The following KLHL4 variants were observed in gnomAD, a reference collection of about 807,000 sequenced individuals.
KLHL4 encodes kelch-like protein 4.
Under a neutral mutation model 45.8 loss-of-function variants are expected in KLHL4, and 17 were observed. The observed-to-expected ratio is 0.37, with a 90% CI of 0.25 to 0.56. The LOEUF is 0.56. Among genes scored for constraint, KLHL4 ranks in the 20% least tolerant of loss-of-function variants. The pLI, the probability that KLHL4 is intolerant of heterozygous loss-of-function variation, is 0.79. For missense variants in KLHL4, 544 were observed against 544.9 expected, an observed-to-expected ratio of 1.00 and a Z score of 0.02; for synonymous variants, 224 against 189.9, an observed-to-expected ratio of 1.18 and a Z score of -1.47.
chrX:87,602,387 G>A (rs2147806561), intron 1 of KLHL4, among the ~76,000 whole-genome samples: 1 of 111,477 alleles, frequency 9.0e-6, no homozygotes, highest in African/African-American at 3.3e-5. Flanking sequence ...CACCCAGAGC[G>A]ACTTTTAATC....
At chrX:87,520,128 A>T (rs1265609205) in intron 1 of KLHL4, among the ~76,000 whole-genome samples, 1 of 112,250 alleles carries the variant, frequency 8.9e-6, no homozygotes. Flanking sequence ...GAGGGGCTAA[A>T]TTGAAGATCT....
At chrX:87,579,860 C>T (rs1261007865) in intron 1 of KLHL4, among the ~76,000 whole-genome samples, 1 of 111,915 alleles carries the variant, frequency 8.9e-6, no homozygotes, top group Non-Finnish European at 1.9e-5. Context: ...ATGTAGGATG[C>T]TGAACATTAT....
intron 1 of KLHL4, among the ~76,000 whole-genome samples, chrX:87,523,692 G>A (rs1411139351): frequency 8.9e-6 from 1 of 111,867 alleles, no homozygotes; most frequent in Non-Finnish European, 1.9e-5. Flanking sequence ...GCCGGCCGTG[G>A]TGGCGCATGC....
chrX:87,586,583 T>C (rs1410201754), intron 1 of KLHL4, among the ~76,000 whole-genome samples: 2 of 110,913 alleles, frequency 1.8e-5, no homozygotes, highest in Non-Finnish European at 3.8e-5. Flanking sequence ...AAACAAGTGG[T>C]AATGGAAACA....
intron 1 of KLHL4, among the ~76,000 whole-genome samples, chrX:87,550,641 C>T (rs1008349487): frequency 3.6e-5 from 4 of 110,141 alleles, no homozygotes; most frequent in African/African-American, 1.3e-4. Context: ...AACAAAATAT[C>T]GAAAAAAAAT....
intron 3 of KLHL4, among the ~76,000 whole-genome samples, 199 bp downstream of exon 3, chrX:87,614,769 T>C (rs1479287466): frequency 9.0e-6 from 1 of 110,799 alleles, no homozygotes; most frequent in Non-Finnish European, 1.9e-5. Context: ...AAAGGCATAG[T>C]TAGGATATAA....
rs2147813766 is a variant in KLHL4 at position 87,614,372 on chromosome X, T to G, written c.591-62T>G. The G allele has an allele frequency of 2.8e-6, 3 of 1,078,138 alleles. No homozygotes were observed. In the Admixed American group the frequency reaches 6.7e-5, roughly 24 times the overall value. The allele number at this position is 1,078,138 out of a possible 1,213,427, so 88.9% of individuals were successfully genotyped here. Reference sequence around the variant, plus strand: ...AGTGTTACAAACTTGCTGAATCCATTTCATGCTTTTCAGTGAAATTATTGA... The same window carrying G: ...AGTGTTACAAACTTGCTGAATCCATGTCATGCTTTTCAGTGAAATTATTGA... On this transcript the variant is annotated intron_variant, in intron 2 of 10. Transcript: ENST00000373119.
chrX:87,595,625 T>A (rs1307125434), intron 1 of KLHL4, among the ~76,000 whole-genome samples: 1 of 111,418 alleles, frequency 9.0e-6, no homozygotes, highest in Admixed American at 9.6e-5. Context: ...ACCAGATCAT[T>A]TCAGATATAT....
intron 1 of KLHL4, among the ~76,000 whole-genome samples, chrX:87,556,797 T>G (rs12391207): frequency 0.25 from 27,850 of 110,491 alleles, 2,978 homozygotes; most frequent in East Asian, 0.51. Context: ...CATGGCAGAG[T>G]AAGTTTTCTC....
chrX:87,639,805 GA>G (rs933809720), intron 9 of KLHL4, among the ~76,000 whole-genome samples: 3 of 108,032 alleles, frequency 2.8e-5, no homozygotes, highest in African/African-American at 1.0e-4. Context: ...AGGAACTAGA[GA>G]AAAAACAACA....
intron 1 of KLHL4, among the ~76,000 whole-genome samples, chrX:87,557,559 T>C (rs893391225): frequency 8.9e-6 from 1 of 112,016 alleles, no homozygotes. Flanking sequence ...AATCAATTAC[T>C]TGACATTAAC....
At chrX:87,529,024 G>T (rs1475856121) in intron 1 of KLHL4, among the ~76,000 whole-genome samples, 2 of 108,011 alleles carry the variant, frequency 1.9e-5, no homozygotes, top group Non-Finnish European at 3.8e-5. Context: ...AACTTTTCAC[G>T]TCAGGAGAAA....
intron 10 of KLHL4, among the ~76,000 whole-genome samples, chrX:87,665,164 T>C (rs188638333): frequency 2.7e-5 from 3 of 111,398 alleles, no homozygotes; most frequent in African/African-American, 6.5e-5. Context: ...ACCCATCTTA[T>C]ATAAAAGGGG....
chrX:87,663,107 C>T (rs1039696656), intron 9 of KLHL4, among the ~76,000 whole-genome samples: 1 of 107,824 alleles, frequency 9.3e-6, no homozygotes, highest in Non-Finnish European at 1.9e-5. Context: ...AAAACCATCA[C>T]ATTGGTTGGG....
rs898035241 is a variant in KLHL4, at chrX:87,667,779, A to G, written c.*1245A>G. 2.9e-6 allele frequency: 2 copies of G among 690,617 alleles called. No individual in the cohort carries two copies. Among genetic ancestry groups the G allele is most frequent in the Non-Finnish European group, 3.4e-6 (2 of 582,261 alleles). The allele number at this position is 690,617 out of a possible 1,213,427, so 56.9% of individuals were successfully genotyped here. A position where few individuals can be genotyped will look rare whatever the true frequency, so the allele number is the denominator to read the frequency against. ...GAATTTCTACAAATAAGTTCTTTTA[A>G]ACAGTCTTTTTATTGTGGATTGTGA... On this transcript the variant is annotated 3_prime_UTR_variant, in exon 11 of 11. Coordinates refer to ENST00000373119, the MANE Select transcript of KLHL4 (RefSeq NM_019117.5).
intron 1 of KLHL4, among the ~76,000 whole-genome samples, chrX:87,532,401 T>C (rs185149914): frequency 1.2e-4 from 13 of 110,472 alleles, no homozygotes; most frequent in Admixed American, 1.9e-4. Flanking sequence ...TGCTTAGGAG[T>C]GTCTTGGCCA....
intron 3 of KLHL4, among the ~76,000 whole-genome samples, chrX:87,614,783 CG>C (rs1569353862): frequency 1.8e-5 from 2 of 110,055 alleles, no homozygotes; most frequent in South Asian, 3.8e-4. Flanking sequence ...GATATAAACT[CG>C]ATAATATAAA....
chrX:87,523,977 A>G (rs1030614013), intron 1 of KLHL4, among the ~76,000 whole-genome samples: 1 of 111,235 alleles, frequency 9.0e-6, no homozygotes, highest in East Asian at 2.8e-4. Context: ...AAATAAATAA[A>G]TAAAAATAAA....
intron 1 of KLHL4, among the ~76,000 whole-genome samples, chrX:87,596,499 G>A (rs1177234570): frequency 8.9e-6 from 1 of 111,799 alleles, no homozygotes. Context: ...TTATATGGAT[G>A]AATGAATTTC....
Sources: gnomAD v4.1 joint callset for allele counts (sites outside exome capture counted in the v4.1 genomes callset) on GRCh38, gnomAD v4.1.1 for gene constraint, MANE v1.5 for transcripts, NCBI Gene and HGNC (gene_info 2026-07-23, HGNC 2026-07-21) for gene names.